Variants in RPS6KC1 observed in about 807,000 individuals in gnomAD.
RPS6KC1 encodes ribosomal protein S6 kinase C1, also known as inactive ribosomal protein S6 kinase delta-1.
In RPS6KC1, 54 loss-of-function variants were observed where a neutral mutation model predicts 103.8. The ratio of observed to expected loss-of-function variants is 0.52; its 90% CI spans 0.42 to 0.65. The LOEUF is 0.65. RPS6KC1 is among the 30% of genes least tolerant of loss of function. The pLI is 0.00. For synonymous variants in RPS6KC1, 439 were observed against 438.7 expected (o/e 1.00, Z -0.01); for missense variants, 1,151 against 1,253.8 (o/e 0.92, Z 1.24).
chr1:213,567,286 C>T, the RPS6KC1 span, among the ~76,000 whole-genome samples: 4 of 152,094 alleles, frequency 2.6e-5, no homozygotes, highest in African/African-American at 9.7e-5. Context: ...TATATTTCAT[C>T]CTACATCTAA....
chr1:213,453,018 T>C, the RPS6KC1 span, among the ~76,000 whole-genome samples: 7 of 151,958 alleles, frequency 4.6e-5, no homozygotes, highest in East Asian at 1.4e-3. Context: ...GGAAATCAAT[T>C]TGGGAAGGAG....
chr1:213,531,496 C>T, the RPS6KC1 span, among the ~76,000 whole-genome samples: 6 of 152,170 alleles, frequency 3.9e-5, no homozygotes, highest in East Asian at 1.9e-4. Flanking sequence ...GAGGAGCCTA[C>T]GGCACAGGTA....
the RPS6KC1 span, among the ~76,000 whole-genome samples, chr1:213,737,720 C>T: frequency 2.0e-5 from 3 of 152,198 alleles, no homozygotes; most frequent in Non-Finnish European, 4.4e-5. Context: ...CACTAATCAA[C>T]ATGGCTCTAC....
chr1:213,513,456 T>C, the RPS6KC1 span, among the ~76,000 whole-genome samples: 1 of 94,324 alleles, frequency 1.1e-5, no homozygotes, highest in African/African-American at 2.9e-5. Context: ...AGTAGAACAA[T>C]TGAAGAAAGA....
chr1:213,650,569 C>T, the RPS6KC1 span, among the ~76,000 whole-genome samples: 1 of 152,170 alleles, frequency 6.6e-6, no homozygotes, highest in Non-Finnish European at 1.5e-5. Flanking sequence ...CGCATCCGGG[C>T]CCCCTCTGCC....
chr1:213,700,980 T>A, the RPS6KC1 span, among the ~76,000 whole-genome samples: 4 of 152,164 alleles, frequency 2.6e-5, no homozygotes, highest in South Asian at 8.3e-4. Context: ...TTTCCAAATA[T>A]AAAGTCATAT....
At chr1:213,210,156 G>A (rs772668045) in intron 8 of RPS6KC1, among the ~76,000 whole-genome samples, 3 of 152,094 alleles carry the variant, frequency 2.0e-5, no homozygotes, top group Non-Finnish European at 2.9e-5. Context: ...TCCTGAGAAT[G>A]CAGCCCAGCA....
chr1:213,715,363 C>T, the RPS6KC1 span, among the ~76,000 whole-genome samples: 1 of 152,154 alleles, frequency 6.6e-6, no homozygotes, highest in Non-Finnish European at 1.5e-5. Flanking sequence ...CGGGTAAGAC[C>T]ATCTTTCTGT....
chr1:213,161,839 A>T (rs529451988), intron 6 of RPS6KC1, among the ~76,000 whole-genome samples: 3 of 152,320 alleles, frequency 2.0e-5, no homozygotes, highest in Admixed American at 2.0e-4. Context: ...AGATCATTTC[A>T]AAGGAAAAAT....
chr1:213,650,767 G>T, the RPS6KC1 span, among the ~76,000 whole-genome samples: 1 of 152,086 alleles, frequency 6.6e-6, no homozygotes, highest in Non-Finnish European at 1.5e-5. Flanking sequence ...TGATGACAAG[G>T]CTTCTTTTCC....
the RPS6KC1 span, among the ~76,000 whole-genome samples, chr1:213,625,109 A>T: frequency 6.6e-6 from 1 of 152,120 alleles, no homozygotes; most frequent in African/African-American, 2.4e-5. Flanking sequence ...CAGCCTCCCG[A>T]GTAGCCCGCC....
chr1:213,522,383 A>T, the RPS6KC1 span, among the ~76,000 whole-genome samples: 1 of 152,188 alleles, frequency 6.6e-6, no homozygotes, highest in Non-Finnish European at 1.5e-5. Context: ...TAGATTTAGC[A>T]TAATTCTTTC....
chr1:213,079,557 A>G (rs1394577629), intron 3 of RPS6KC1, among the ~76,000 whole-genome samples: 1 of 152,078 alleles, frequency 6.6e-6, no homozygotes, highest in Non-Finnish European at 1.5e-5. Flanking sequence ...AGCTGGGACC[A>G]TAGGTGCACA....
At chr1:213,366,026 T>C in the RPS6KC1 span, among the ~76,000 whole-genome samples, 4 of 152,162 alleles carry the variant, frequency 2.6e-5, no homozygotes, top group Non-Finnish European at 5.9e-5. Context: ...GTTTGCCCCT[T>C]AAAGTGGGAG....
At chr1:213,335,894 G>T in the RPS6KC1 span, among the ~76,000 whole-genome samples, 2 of 152,178 alleles carry the variant, frequency 1.3e-5, no homozygotes, top group Non-Finnish European at 2.9e-5. Context: ...ATGTGAAAAG[G>T]CCAAGGAGGT....
intron 8 of RPS6KC1, among the ~76,000 whole-genome samples, chr1:213,229,506 C>G (rs1165737567): frequency 6.6e-6 from 1 of 152,076 alleles, no homozygotes; most frequent in Non-Finnish European, 1.5e-5. Context: ...TCTATAATGA[C>G]AAAGTTGAAA....
chr1:213,210,240 T>A (rs1228290542), intron 8 of RPS6KC1, among the ~76,000 whole-genome samples: 1 of 152,186 alleles, frequency 6.6e-6, no homozygotes, highest in East Asian at 1.9e-4. Flanking sequence ...GACAATAATA[T>A]TTATCTATAT....
the RPS6KC1 span, among the ~76,000 whole-genome samples, chr1:213,302,160 A>G: frequency 1.3e-5 from 2 of 152,218 alleles, no homozygotes; most frequent in African/African-American, 4.8e-5. Context: ...AGTTAACCCA[A>G]TCTCTGAGTG....
chr1:213,736,082 T>C, the RPS6KC1 span, among the ~76,000 whole-genome samples: 163 of 152,328 alleles, frequency 1.1e-3, 3 homozygotes, highest in East Asian at 0.028. Context: ...ACAGTAACCA[T>C]GCCCTGGATG....
Sources: gnomAD v4.1 joint callset for allele counts (sites outside exome capture counted in the v4.1 genomes callset) on GRCh38, gnomAD v4.1.1 for gene constraint, MANE v1.5 for transcripts, NCBI Gene and HGNC (gene_info 2026-07-23, HGNC 2026-07-21) for gene names.